PARD3: variants seen among roughly 807,000 people sequenced by gnomAD.
PARD3 encodes partitioning defective 3 homolog.
Under a neutral mutation model 155.4 loss-of-function variants are expected in PARD3, and 75 were observed. The observed-to-expected ratio is 0.48, with a 90% CI of 0.40 to 0.58. The LOEUF is 0.58. Ranked by LOEUF, PARD3 falls within the 20% of genes least tolerant of loss-of-function variation. The pLI is 0.00. For missense variants in PARD3, 1,642 were observed against 1,721.7 expected, an observed-to-expected ratio of 0.95 and a Z score of 0.82; for synonymous variants, 576 against 610.5, an observed-to-expected ratio of 0.94 and a Z score of 0.83.
In PARD3 at chr10:34,746,893, C is replaced by G. The variant is rs547154809; in HGVS notation, c.121-50474G>C. ...GCTGGAGAACAATCTTTCAGCCATG[C>G]CCAGGCGAGACACCCTGACTTCTGC... On this transcript the variant is annotated intron_variant, in intron 1 of 24. Coordinates refer to ENST00000374788, the MANE Select transcript of PARD3 (RefSeq NM_001184785.2). Among the ~76,000 whole-genome samples the G allele has an allele frequency of 2.6e-5, 4 of 152,308 alleles. No homozygotes were observed. In the South Asian group the frequency reaches 8.3e-4, roughly 32 times the overall value.
At chr10:34,123,666 C>T (rs191515748) in intron 23 of PARD3, among the ~76,000 whole-genome samples, 246 of 152,164 alleles carry the variant, frequency 1.6e-3, no homozygotes, top group African/African-American at 5.5e-3. Flanking sequence ...AACTCCTGCT[C>T]TCAAGTGATC....
At chr10:34,559,735 A>C (rs1419819654) in intron 2 of PARD3, among the ~76,000 whole-genome samples, 9 of 150,942 alleles carry the variant, frequency 6.0e-5, no homozygotes. Flanking sequence ...ACACGCAATA[A>C]GTGATGAAAA....
At chr10:34,324,003 T>A (rs961713740) in intron 19 of PARD3, among the ~76,000 whole-genome samples, 1 of 152,202 alleles carries the variant, frequency 6.6e-6, no homozygotes, top group Non-Finnish European at 1.5e-5. Context: ...ACCCTACAGT[T>A]GGAATTGCCA....
At chr10:34,770,770 A>G (rs1838755228) in intron 1 of PARD3, among the ~76,000 whole-genome samples, 1 of 152,198 alleles carries the variant, frequency 6.6e-6, no homozygotes, top group Non-Finnish European at 1.5e-5. Context: ...CCAGTTTCCT[A>G]GGGGTATCAC....
In PARD3 at chr10:34,378,704, T is replaced by C. The variant is rs1368792949; in HGVS notation, c.1400-598A>G. Among the ~76,000 whole-genome samples the C allele has an allele frequency of 4.6e-5, 7 of 152,322 alleles. No homozygotes were observed. In the East Asian group the frequency reaches 1.2e-3, roughly 25 times the overall value. Reference sequence around the variant, plus strand: ...TCTAATTCACCTAAATCTTACCATGTATATTTCCTTCACCACCCCCCACTC... The same window carrying C: ...TCTAATTCACCTAAATCTTACCATGCATATTTCCTTCACCACCCCCCACTC... On this transcript the variant is annotated intron_variant, in intron 9 of 24. Transcript: ENST00000374788.
chr10:34,459,515 A>G (rs2077514615), intron 4 of PARD3, among the ~76,000 whole-genome samples: 2 of 152,200 alleles, frequency 1.3e-5, no homozygotes, highest in Non-Finnish European at 2.9e-5. Context: ...TGTATGCTCC[A>G]AAACTAAAAT....
At chr10:34,265,217 A>G (rs1012850090) in intron 22 of PARD3, among the ~76,000 whole-genome samples, 9 of 152,250 alleles carry the variant, frequency 5.9e-5, no homozygotes, top group African/African-American at 1.9e-4. Context: ...AGTTCATGTT[A>G]TAATAAAATC....
chr10:34,502,560 T>C (rs1351727061), intron 3 of PARD3, among the ~76,000 whole-genome samples: 2 of 152,158 alleles, frequency 1.3e-5, no homozygotes, highest in Non-Finnish European at 2.9e-5. Flanking sequence ...CTAGTACTAA[T>C]TGTGTGTGTA....
intron 2 of PARD3, among the ~76,000 whole-genome samples, chr10:34,587,082 T>C (rs1274410957): frequency 6.6e-6 from 1 of 152,168 alleles, no homozygotes; most frequent in Admixed American, 6.5e-5. Context: ...TTAAGCAGAA[T>C]GAAAATATAA....
intron 14 of PARD3, among the ~76,000 whole-genome samples, chr10:34,356,462 C>A (rs1029131781): frequency 6.6e-6 from 1 of 152,166 alleles, no homozygotes; most frequent in Non-Finnish European, 1.5e-5. Flanking sequence ...AAAAGATTTT[C>A]TTTTACACAT....
At chr10:34,507,540 TAAAAAAACAAAAAA>T (rs1166669918) in intron 3 of PARD3, among the ~76,000 whole-genome samples, 3 of 43,304 alleles carry the variant, frequency 6.9e-5, no homozygotes, top group Admixed American at 2.1e-4. Flanking sequence ...TCAGATCAAT[TAAAAAAACAAAAAA>T]AAAAAAACAA....
intron 21 of PARD3, among the ~76,000 whole-genome samples, chr10:34,283,934 G>A (rs916452014): frequency 6.7e-6 from 1 of 149,292 alleles, no homozygotes; most frequent in Non-Finnish European, 1.5e-5. Context: ...AATCCACTTT[G>A]ATGTCACAAA....
chr10:34,507,992 T>C (rs1403968730), intron 3 of PARD3, among the ~76,000 whole-genome samples: 2 of 152,282 alleles, frequency 1.3e-5, no homozygotes, highest in East Asian at 1.9e-4. Flanking sequence ...TACCAGCAAA[T>C]GTTAGAAGGA....
At chr10:34,402,077 T>TA (rs1336890557) in intron 5 of PARD3, among the ~76,000 whole-genome samples, 160 bp from the exon 6 acceptor site, 6 of 152,016 alleles carry the variant, frequency 3.9e-5, no homozygotes. Context: ...GTGTGTGTTG[T>TA]AAAAAGCTAA....
At chr10:34,675,863 A>G (rs543243795) in intron 2 of PARD3, 35 of 199,638 alleles carry the variant, frequency 1.8e-4, no homozygotes, top group Non-Finnish European at 2.7e-4. Context: ...ACACACACAC[A>G]CGCGCTCATC....
intron 22 of PARD3, among the ~76,000 whole-genome samples, chr10:34,247,266 C>T (rs1169901827): frequency 2.0e-5 from 3 of 152,104 alleles, no homozygotes; most frequent in Non-Finnish European, 4.4e-5. Flanking sequence ...CTGTGGGAGG[C>T]CAAGGTGGGT....
chr10:34,429,544 C>T (rs952132545), intron 5 of PARD3, among the ~76,000 whole-genome samples: 2 of 148,642 alleles, frequency 1.3e-5, no homozygotes, highest in African/African-American at 2.5e-5. Flanking sequence ...TACAGCCCCA[C>T]TCTAACTCAG....
intron 19 of PARD3, among the ~76,000 whole-genome samples, chr10:34,324,836 G>A (rs1401429557): frequency 6.6e-6 from 1 of 152,024 alleles, no homozygotes; most frequent in Non-Finnish European, 1.5e-5. Context: ...CTTTGCTCTG[G>A]TACTGCCAAG....
chr10:34,465,041 T>C (rs2077919755), intron 4 of PARD3, among the ~76,000 whole-genome samples: 1 of 152,204 alleles, frequency 6.6e-6, no homozygotes, highest in South Asian at 2.1e-4. Context: ...GTTTAAATGA[T>C]CTCTAGATGA....
Sources: gnomAD v4.1 joint callset for allele counts (sites outside exome capture counted in the v4.1 genomes callset) on GRCh38, gnomAD v4.1.1 for gene constraint, MANE v1.5 for transcripts, NCBI Gene and HGNC (gene_info 2026-07-23, HGNC 2026-07-21) for gene names.